TENM1: variants seen among roughly 807,000 people sequenced by gnomAD.
TENM1 encodes the protein teneurin transmembrane protein 1, also known as teneurin-1.
TENM1 carries 35 observed loss-of-function variants against 174.8 expected under a neutral mutation model. The ratio of observed to expected loss-of-function variants is 0.20; its 90% CI spans 0.15 to 0.27. The LOEUF (loss-of-function observed/expected upper bound fraction) is 0.27, where lower values mean the gene tolerates loss of function less well. Among genes scored for constraint, TENM1 ranks in the 10% least tolerant of loss-of-function variants. The pLI is 1.00. For missense variants in TENM1, 1,633 were observed against 2,130.1 expected (o/e 0.77, Z 4.59); for synonymous variants, 781 against 798.7 (o/e 0.98, Z 0.37).
At chrX:125,079,868 C>T in the TENM1 span, among the ~76,000 whole-genome samples, 1 of 111,804 alleles carries the variant, frequency 8.9e-6, no homozygotes, top group Non-Finnish European at 1.9e-5. Flanking sequence ...TCATGAGCAG[C>T]ATTCCTGCTT....
chrX:124,750,081 TGCTGCTACTGCTA>T (rs2054026081), intron 3 of TENM1, among the ~76,000 whole-genome samples: 1 of 112,176 alleles, frequency 8.9e-6, no homozygotes, highest in Admixed American at 9.5e-5. Flanking sequence ...TTGTTGCTGT[TGCTGCTACTGCTA>T]CAACTATTAC....
At chrX:125,151,142 C>T in the TENM1 span, among the ~76,000 whole-genome samples, 5 of 111,951 alleles carry the variant, frequency 4.5e-5, no homozygotes, top group Admixed American at 3.8e-4. Flanking sequence ...CTTATAGCAG[C>T]GGTTATATTG....
chrX:125,076,618 T>C, the TENM1 span, among the ~76,000 whole-genome samples: 4 of 111,537 alleles, frequency 3.6e-5, no homozygotes, highest in Non-Finnish European at 7.5e-5. Flanking sequence ...TTGCCATCTA[T>C]AGCATAGGCA....
chrX:124,851,028 T>C (rs1028782564), intron 3 of TENM1, among the ~76,000 whole-genome samples: 5 of 112,017 alleles, frequency 4.5e-5, no homozygotes, highest in Non-Finnish European at 9.4e-5. Context: ...CTGTTCAAAC[T>C]GCAGAATCAT....
chrX:124,868,963 G>A (rs911683549), intron 3 of TENM1, among the ~76,000 whole-genome samples: 7 of 108,458 alleles, frequency 6.5e-5, no homozygotes, highest in Non-Finnish European at 1.3e-4. Flanking sequence ...GGTGGCTCAC[G>A]CCTGTAATCC....
intron 22 of TENM1, among the ~76,000 whole-genome samples, chrX:124,480,158 T>G (rs2046811764): frequency 8.9e-6 from 1 of 111,809 alleles, no homozygotes; most frequent in African/African-American, 3.3e-5. Flanking sequence ...TAATATTAGA[T>G]GTGATTTCCC....
intron 23 of TENM1, among the ~76,000 whole-genome samples, chrX:124,437,027 G>A (rs2060847963): frequency 1.1e-5 from 1 of 91,646 alleles, no homozygotes; most frequent in Non-Finnish European, 2.1e-5. Context: ...TGCAACCTAC[G>A]CCTCCTGGGT....
chrX:124,930,917 T>C (rs1173081463), intron 1 of TENM1, among the ~76,000 whole-genome samples: 1 of 111,596 alleles, frequency 9.0e-6, no homozygotes, highest in Admixed American at 9.5e-5. Context: ...TTTAATCATG[T>C]AGATATTAAA....
chrX:124,649,091 G>GA (rs200075952), intron 8 of TENM1, among the ~76,000 whole-genome samples: 1,480 of 109,692 alleles, frequency 0.013, 20 homozygotes, highest in African/African-American at 0.047. Context: ...AACTAGCCAT[G>GA]AAAAAAAAAT....
At chrX:125,197,964 A>T in the TENM1 span, among the ~76,000 whole-genome samples, 5 of 112,050 alleles carry the variant, frequency 4.5e-5, no homozygotes, top group African/African-American at 1.6e-4. Context: ...TCAGGACTTT[A>T]GCCGGTATTG....
At chrX:125,001,735 T>G in the TENM1 span, among the ~76,000 whole-genome samples, 1 of 110,634 alleles carries the variant, frequency 9.0e-6, no homozygotes, top group Non-Finnish European at 1.9e-5. Context: ...CACATTGGAC[T>G]ATAAACTTTC....
At chrX:124,883,697 GC>G (rs762660476) in intron 3 of TENM1, among the ~76,000 whole-genome samples, 1 of 112,216 alleles carries the variant, frequency 8.9e-6, no homozygotes, top group East Asian at 2.8e-4. Flanking sequence ...GCTTGTGTTG[GC>G]AGTGGCTGTG....
intron 3 of TENM1, among the ~76,000 whole-genome samples, chrX:124,886,546 TATAG>T (rs1400309226): frequency 0.01 from 783 of 75,989 alleles, 8 homozygotes; most frequent in South Asian, 0.035. Context: ...TATATATATA[TATAG>T]AGAGAGAGAG....
At chrX:124,911,870 ACATCTACAAAG>A (rs1468577066) in intron 1 of TENM1, among the ~76,000 whole-genome samples, 1 of 111,687 alleles carries the variant, frequency 9.0e-6, no homozygotes, top group African/African-American at 3.3e-5. Context: ...TTTTTTGCAT[ACATCTACAAAG>A]CAGCCTGGAA....
intron 3 of TENM1, among the ~76,000 whole-genome samples, chrX:124,890,078 G>T (rs1037396551): frequency 1.8e-5 from 2 of 111,663 alleles, no homozygotes; most frequent in African/African-American, 6.5e-5. Flanking sequence ...TTATCATCAA[G>T]GCTATAACTA....
chrX:124,579,858 T>C (rs1230413965), intron 11 of TENM1, among the ~76,000 whole-genome samples: 1 of 112,186 alleles, frequency 8.9e-6, no homozygotes, highest in Non-Finnish European at 1.9e-5. Flanking sequence ...TAAAAGTATC[T>C]GAAATTTTCA....
At chrX:124,515,910 C>CA (rs961755997) in intron 18 of TENM1, among the ~76,000 whole-genome samples, 2 of 109,639 alleles carry the variant, frequency 1.8e-5, no homozygotes, top group African/African-American at 6.6e-5. Context: ...TAAACAACAA[C>CA]AAAAAAAGCT....
At chrX:124,900,850 G>A (rs1779142192) in intron 1 of TENM1, among the ~76,000 whole-genome samples, 1 of 103,604 alleles carries the variant, frequency 9.7e-6, no homozygotes, top group Non-Finnish European at 2.0e-5. Flanking sequence ...GGAGCACAAT[G>A]GTGTGGTCTC....
the TENM1 span, among the ~76,000 whole-genome samples, chrX:125,147,193 ATATCT>A: frequency 3.7e-5 from 4 of 109,460 alleles, no homozygotes; most frequent in Non-Finnish European, 5.7e-5. Context: ...GTGTGTATAC[ATATCT>A]TATATACATA....
Sources: allele counts gnomAD v4.1 joint callset (sites outside exome capture counted in the v4.1 genomes callset), GRCh38; gene constraint gnomAD v4.1.1; transcripts MANE v1.5; gene names NCBI Gene and HGNC (gene_info 2026-07-23, HGNC 2026-07-21).